Variants in CPAP observed in about 807,000 individuals in gnomAD.
CPAP encodes centrosome assembly and centriole elongation protein.
chr13:24,883,050 A>C, the CPAP span: 1 of 839,418 alleles, frequency 1.2e-6, no homozygotes, highest in Non-Finnish European at 2.0e-6. Flanking sequence ...GCCACAGGGT[A>C]AACTTTTATT....
At chr13:24,892,040 A>G in the CPAP span, among the ~76,000 whole-genome samples, 1 of 151,914 alleles carries the variant, frequency 6.6e-6, no homozygotes, top group Non-Finnish European at 1.5e-5. Flanking sequence ...CACACACCAC[A>G]CGTTTTATTA....
At chr13:24,913,113 A>T in the CPAP span, 1 of 1,157,370 alleles carries the variant, frequency 8.6e-7, no homozygotes, top group African/African-American at 1.5e-5. Flanking sequence ...AATAGCCAAC[A>T]AAATGTATTA....
the CPAP span, among the ~76,000 whole-genome samples, chr13:24,930,419 A>G: frequency 1.3e-5 from 2 of 152,142 alleles, no homozygotes; most frequent in African/African-American, 4.8e-5. Context: ...TCACCCAGAT[A>G]CTGAGCATTG....
the CPAP span, among the ~76,000 whole-genome samples, chr13:24,921,329 CTCT>C: frequency 6.8e-6 from 1 of 147,912 alleles, no homozygotes; most frequent in Non-Finnish European, 1.5e-5. Context: ...TATAACAATT[CTCT>C]TTTTTATAAA....
chr13:24,909,941 GGAT>G, the CPAP span: 2 of 1,614,122 alleles, frequency 1.2e-6, no homozygotes, highest in Non-Finnish European at 1.7e-6. Context: ...TTTGCTCATG[GGAT>G]AAAATGTTGG....
the CPAP span, among the ~76,000 whole-genome samples, chr13:24,926,216 A>G: frequency 6.6e-6 from 1 of 152,236 alleles, no homozygotes; most frequent in African/African-American, 2.4e-5. Flanking sequence ...GTGCCCACTC[A>G]GGATTTCCAA....
the CPAP span, among the ~76,000 whole-genome samples, chr13:24,932,214 A>C: frequency 1.3e-5 from 2 of 152,222 alleles, no homozygotes; most frequent in Non-Finnish European, 2.9e-5. Flanking sequence ...CTATCTCCAA[A>C]GGGCAGCTTT....
At chr13:24,931,640 T>C in the CPAP span, among the ~76,000 whole-genome samples, 1 of 152,210 alleles carries the variant, frequency 6.6e-6, no homozygotes, top group Non-Finnish European at 1.5e-5. Context: ...CTCAGATCTG[T>C]ATCTCCAGCC....
chr13:24,891,139 G>A, the CPAP span, among the ~76,000 whole-genome samples: 1 of 151,858 alleles, frequency 6.6e-6, no homozygotes, highest in Admixed American at 6.6e-5. Context: ...CTCCATGGCC[G>A]ATTTCAGTCC....
chr13:24,923,105 C>T, the CPAP span, among the ~76,000 whole-genome samples: 5 of 152,342 alleles, frequency 3.3e-5, no homozygotes, highest in East Asian at 5.8e-4. Context: ...GGACGTCGCC[C>T]CAGGCTCCCA....
chr13:24,886,204 G>A, the CPAP span: 1 of 728,278 alleles, frequency 1.4e-6, no homozygotes. Context: ...TTCATCCTAT[G>A]TGCCAATGGA....
At chr13:24,894,444 C>T in the CPAP span, among the ~76,000 whole-genome samples, 1 of 152,170 alleles carries the variant, frequency 6.6e-6, no homozygotes, top group African/African-American at 2.4e-5. Flanking sequence ...CACTGGCAGA[C>T]GGCCGCGATG....
the CPAP span, chr13:24,884,599 G>T: frequency 1.2e-6 from 1 of 839,020 alleles, no homozygotes; most frequent in Non-Finnish European, 2.0e-6. Flanking sequence ...TTTATTTCGT[G>T]AGGAGTAGCA....
chr13:24,906,526 AGTTACATTTTCTTTATTATTAGAT>A, the CPAP span: 1 of 1,614,178 alleles, frequency 6.2e-7, no homozygotes, highest in Non-Finnish European at 8.5e-7. Context: ...TTGGACACTC[AGTTACATTTTCTTTATTATTAGAT>A]GTGACTTTGT....
At chr13:24,906,786 G>A in the CPAP span, 3 of 1,614,216 alleles carry the variant, frequency 1.9e-6, no homozygotes, top group South Asian at 1.1e-5. Flanking sequence ...TGGAGTTGCT[G>A]TCTATCCATT....
chr13:24,928,882 C>T, the CPAP span, among the ~76,000 whole-genome samples: 3 of 152,178 alleles, frequency 2.0e-5, no homozygotes, highest in Non-Finnish European at 4.4e-5. Context: ...ATGATCACAT[C>T]CACTATATTC....
At chr13:24,884,443 A>ATTC in the CPAP span, 138 of 1,614,032 alleles carry the variant, frequency 8.6e-5, no homozygotes, top group Non-Finnish European at 1.2e-4. Context: ...CACGGCACCC[A>ATTC]TTCTTATAAA....
At chr13:24,882,854 T>C in the CPAP span, 10 of 331,758 alleles carry the variant, frequency 3.0e-5, no homozygotes, top group African/African-American at 4.6e-5. Flanking sequence ...ATCTAGGTGA[T>C]GTACTTCCTG....
chr13:24,891,348 G>T, the CPAP span, among the ~76,000 whole-genome samples: 29 of 152,184 alleles, frequency 1.9e-4, no homozygotes, highest in African/African-American at 6.7e-4. Context: ...TCCCAGGTGT[G>T]TGTCCCCAAC....
Sources: gnomAD v4.1 joint callset for allele counts (sites outside exome capture counted in the v4.1 genomes callset) on GRCh38, gnomAD v4.1.1 for gene constraint, MANE v1.5 for transcripts, NCBI Gene and HGNC (gene_info 2026-07-23, HGNC 2026-07-21) for gene names.